Variants in AFTPH observed in about 807,000 individuals in gnomAD.
AFTPH encodes aftiphilin protein.
In AFTPH, 7 loss-of-function variants were observed where a neutral mutation model predicts 72.5. That is an observed-to-expected ratio of 0.10 (90% CI 0.05 to 0.18). The LOEUF is 0.18. AFTPH is among the 10% of genes least tolerant of loss of function. The pLI is 1.00. For missense variants in AFTPH, 979 were observed against 1,060.5 expected (o/e 0.92, Z 1.07); for synonymous variants, 337 against 370.1 (o/e 0.91, Z 1.03).
At chr2:64,550,722 CACACACACAA>C (rs1284533199) in intron 1 of AFTPH, among the ~76,000 whole-genome samples, 4 of 125,676 alleles carry the variant, frequency 3.2e-5, no homozygotes, top group African/African-American at 9.1e-5. Flanking sequence ...CACACACACA[CACACACACAA>C]CTGGTGAAAT....
At chr2:64,588,678 G>A (rs1376509855) in intron 8 of AFTPH, among the ~76,000 whole-genome samples, 4 of 152,150 alleles carry the variant, frequency 2.6e-5, no homozygotes, top group Non-Finnish European at 5.9e-5. Flanking sequence ...ATCATGTTGA[G>A]CATCTTTTCA....
rs1671159251 is a variant in AFTPH at position 64,553,286 on chromosome 2, G to A, written c.1812G>A (p.Gln604=). 3.7e-6 allele frequency: 6 copies of A among 1,614,136 alleles called. No individual in the cohort carries two copies. The South Asian group carries it at 4.4e-5, about 12-fold the overall frequency. ...CTCATCATCGAAAGGAAGCCTGGCA[G>A]TCACATAGGACAGATGAAAATATTG... The change falls in exon 2 of 9, where the codon CAG becomes CAA. Residue 604 remains glutamine, a synonymous_variant. Coordinates refer to ENST00000238856, the Ensembl canonical transcript of AFTPH.
chr2:64,524,791 C>T (rs372091277), intron 1 of AFTPH, among the ~76,000 whole-genome samples, 179 bp downstream of exon 1: 1 of 152,250 alleles, frequency 6.6e-6, no homozygotes. Context: ...CTCTCTTCTG[C>T]GGCGAGTGCG....
At position 64,569,116 on chromosome 2, in the gene AFTPH, G is replaced by A. The variant is rs754391594; in HGVS notation, c.2112G>A (p.Glu704=). The change falls in exon 4 of 9, where the codon GAG becomes GAA. Residue 704 remains glutamate (E), a synonymous_variant. Coordinates refer to ENST00000238856, the Ensembl canonical transcript of AFTPH. ...GGGAATTGCTAGATGTGTGGACTGA[G>A]CTACAGGATATCCATGATGCACATG... 14 of 1,613,998 alleles carry A rather than the reference G, an allele frequency of 8.7e-6. No individual in the cohort carries two copies. The Admixed American group carries it at 2.0e-4, about 23-fold the overall frequency.
chr2:64,536,775 A>G (rs1669914410), intron 1 of AFTPH, among the ~76,000 whole-genome samples: 1 of 151,714 alleles, frequency 6.6e-6, no homozygotes, highest in Admixed American at 6.6e-5. Context: ...CAACATGGCG[A>G]AACACTGTCT....
At chr2:64,548,504 C>T (rs1013345089) in intron 1 of AFTPH, among the ~76,000 whole-genome samples, 1 of 149,016 alleles carries the variant, frequency 6.7e-6, no homozygotes, top group Admixed American at 6.7e-5. Context: ...GTATAACTTG[C>T]CTAAATAATC....
intron 8 of AFTPH, among the ~76,000 whole-genome samples, chr2:64,588,386 T>A (rs1349799292): frequency 6.6e-6 from 1 of 152,232 alleles, no homozygotes; most frequent in African/African-American, 2.4e-5. Flanking sequence ...TTATGAGTAG[T>A]GTTGCTGCTG....
rs201640247 is a variant in AFTPH at position 64,571,271 on chromosome 2, CCCT to C, written c.2271+1593_2271+1595del. On this transcript the variant is annotated intron_variant, in intron 5 of 8. Transcript: ENST00000238856. ...AATTGTTGAGCACCGCCCCCCACCCCCCTGTTTCTTTTTCAGTATTTCTGAGGT... is the reference window on the plus strand; with the variant it reads ...AATTGTTGAGCACCGCCCCCCACCCCGTTTCTTTTTCAGTATTTCTGAGGT... Among the ~76,000 whole-genome samples the C allele has an allele frequency of 7.3e-4, 108 of 147,218 alleles. 1 individual carries two copies. In the East Asian group the frequency reaches 0.016, roughly 22 times the overall value.
At chr2:64,566,105 T>G (rs965002817) in intron 2 of AFTPH, among the ~76,000 whole-genome samples, 1 of 152,224 alleles carries the variant, frequency 6.6e-6, no homozygotes, top group African/African-American at 2.4e-5. Context: ...GAGCCAATCA[T>G]GTATCCAATT....
chr2:64,585,440 A>G (rs1673448489), exon 8 of AFTPH: 2 of 1,612,772 alleles, frequency 1.2e-6, no homozygotes, highest in African/African-American at 1.3e-5. Context: ...CCGGAGTTGT[A>G]TGAGTTAACA....
chr2:64,551,263 AC>A (rs1261222155), intron 1 of AFTPH, among the ~76,000 whole-genome samples, 179 bp from the exon 2 acceptor site: 3 of 152,040 alleles, frequency 2.0e-5, no homozygotes, highest in Non-Finnish European at 2.9e-5. Flanking sequence ...AAGTAATTGC[AC>A]CTAAGAGAAA....
At position 64,581,432 on chromosome 2, in the gene AFTPH, C is replaced by CA. The variant is rs1291451757; in HGVS notation, c.2455+1893dup. Among the ~76,000 whole-genome samples, 14 of 151,936 alleles carry CA rather than the reference C, an allele frequency of 9.2e-5. No individual in the cohort carries two copies. The East Asian group carries it at 2.5e-3, about 27-fold the overall frequency. On this transcript the variant is annotated intron_variant, in intron 7 of 8. Transcript: ENST00000238856. ...GTTGTTATTTTCTAGTATCTGATTA[C>CA]AAAAAAATGACTTATGTATTTCAAG... is the stretch of plus-strand genomic sequence containing the variant.
At chr2:64,591,862 C>T in intron 8 of AFTPH, 26 bp from the exon 10 acceptor site, 1 of 1,612,622 alleles carries the variant, frequency 6.2e-7, no homozygotes, top group Non-Finnish European at 8.5e-7. Context: ...CATTAACACA[C>T]TTGTCTTTTT....
intron 8 of AFTPH, among the ~76,000 whole-genome samples, chr2:64,585,884 T>C (rs570520033): frequency 3.3e-5 from 5 of 150,604 alleles, no homozygotes; most frequent in African/African-American, 1.2e-4. Flanking sequence ...TCATAATTAC[T>C]GAGAAGATCA....
chr2:64,546,973 C>T (rs368287359), intron 1 of AFTPH, among the ~76,000 whole-genome samples: 179 of 152,176 alleles, frequency 1.2e-3, no homozygotes, highest in African/African-American at 4.0e-3. Context: ...GGCGTGAACC[C>T]GGGAGGCGGA....
chr2:64,583,999 A>G lies in AFTPH; in HGVS notation c.2456-1423A>G, dbSNP rs1371434247. ...TTAATCTAAATATATGCATTTATAT[A>G]TGTTATTTATATATAACTTGATCTG... On this transcript the variant is annotated intron_variant, in intron 7 of 8. Transcript: ENST00000238856. Among the ~76,000 whole-genome samples, 3 of 152,114 alleles carry G rather than the reference A, an allele frequency of 2.0e-5. No individual in the cohort carries two copies. The East Asian group carries it at 5.8e-4, about 29-fold the overall frequency.
At chr2:64,576,155 GTA>G (rs1346248552) in intron 6 of AFTPH, among the ~76,000 whole-genome samples, 24 of 139,002 alleles carry the variant, frequency 1.7e-4, no homozygotes, top group East Asian at 1.6e-3. Flanking sequence ...GTGTGTGTGT[GTA>G]TGTATATATA....
exon 9 of AFTPH, chr2:64,592,128 A>G (rs1357308714): frequency 7.4e-7 from 1 of 1,359,718 alleles, no homozygotes; most frequent in Admixed American, 2.3e-5. Context: ...AAAAAAAAAA[A>G]AAAAAAATTC....
At chr2:64,591,301 C>G (rs1270801838) in intron 8 of AFTPH, among the ~76,000 whole-genome samples, 2 of 152,244 alleles carry the variant, frequency 1.3e-5, no homozygotes, top group Admixed American at 6.5e-5. Context: ...ATAATAACAC[C>G]AGCAACCAGC....
Sources: gnomAD v4.1 joint callset for allele counts (sites outside exome capture counted in the v4.1 genomes callset) on GRCh38, gnomAD v4.1.1 for gene constraint, MANE v1.5 for transcripts, NCBI Gene and HGNC (gene_info 2026-07-23, HGNC 2026-07-21) for gene names.